The following ALPK3 variants were observed in gnomAD, a reference collection of about 807,000 sequenced individuals.
The protein encoded by ALPK3 is alpha-protein kinase 3.
In ALPK3, 102 loss-of-function variants were observed where a neutral mutation model predicts 140.0. That is an observed-to-expected ratio of 0.73 (90% CI 0.62 to 0.86). ALPK3 has a LOEUF of 0.86. Among genes scored for constraint, ALPK3 ranks in the 40% least tolerant of loss-of-function variants. ALPK3 has a pLI of 0.00. For synonymous variants in ALPK3, 938 were observed against 898.5 expected (o/e 1.04, Z -0.79); for missense variants, 2,254 against 2,208.2 (o/e 1.02, Z -0.42).
intron 1 of ALPK3, among the ~76,000 whole-genome samples, chr15:84,823,082 G>A (rs1327437471): frequency 6.6e-6 from 1 of 152,210 alleles, no homozygotes; most frequent in Admixed American, 6.5e-5. Flanking sequence ...GCCCCAAAGG[G>A]CCTCCTTCCT....
At position 84,859,311 on chromosome 15, in the gene ALPK3, T is replaced by G. The variant is rs759209537; in HGVS notation, c.3886T>G (p.Cys1296Gly). 6.2e-7 allele frequency: 1 copy of G among 1,614,104 alleles called. No individual in the cohort carries two copies. ...PDASGSLKLW[C>G]QFFNILSDSV... is the part of the protein sequence containing the mutation. ...TGCCTCCGGTAGCCTGAAGCTGTGG[T>G]GCCAGTTTTTCAACATTCTTAGTGA... The change falls in exon 7 of 14, where the codon TGC becomes GGC. Residue 1296 changes from cysteine to glycine, a missense_variant. Transcript: ENST00000258888.
chr15:84,839,916 C>G lies in ALPK3; in HGVS notation c.637C>G (p.Leu213Val). Residue 213 changes from leucine (L) to valine (V), a missense_variant, in exon 5 of 14, where the codon CTG (leucine) becomes GTG (valine). By Grantham distance (32) the Leu-to-Val change is conservative. This residue lies in a region of ALPK3 where 2,088 missense variants were observed against 2,022.9 expected (regional missense o/e 1.03). Coordinates refer to ENST00000258888, the MANE Select transcript of ALPK3 (RefSeq NM_020778.5). The part of the protein sequence containing the change: ...EKAVPGEVDT[L>V]RKLSPDRFQR... ...GGCGGTGCCTGGGGAGGTCGACACT[C>G]TGCGCAAGCTCAGCCCCGACCGCTT... 1 of 1,613,964 alleles carries G rather than the reference C, an allele frequency of 6.2e-7. No individual in the cohort carries two copies. The highest frequency in any genetic ancestry group is 2.2e-5 in the East Asian group (1 of 44,856).
chr15:84,840,852 C>A lies in ALPK3; in HGVS notation c.1573C>A (p.Pro525Thr), dbSNP rs371508772. 1.9e-6 allele frequency: 3 copies of A among 1,614,014 alleles called. No homozygotes were observed. Among genetic ancestry groups the A allele is most frequent in the Non-Finnish European group, 2.5e-6 (3 of 1,180,012 alleles). The change falls in exon 5 of 14, where the codon CCG becomes ACG. Residue 525 changes from proline to threonine, a missense_variant. Physicochemically the swap from Pro to Thr is conservative, Grantham distance 38 (BLOSUM62 -1). Around this residue, in one of 3 missense-constraint regions of ALPK3, gnomAD observed 2,088 missense variants for 2,022.9 expected, o/e 1.03. Transcript: ENST00000258888. ...KAPPQASVQV[P>T]TPPARRRHGT... ...CCCACCTCAGGCCTCTGTGCAGGTG[C>A]CGACGCCCCCTGCCCGGCGGAGACA...
intron 9 of ALPK3, 50 bp downstream of exon 9, chr15:84,860,122 C>T (rs371504629): frequency 5.6e-6 from 9 of 1,599,650 alleles, no homozygotes; most frequent in African/African-American, 2.7e-5. Flanking sequence ...CTGCCATCTG[C>T]AGGGAGGACC....
At chr15:84,829,590 A>G (rs1024556364) in intron 3 of ALPK3, among the ~76,000 whole-genome samples, 4 of 152,076 alleles carry the variant, frequency 2.6e-5, no homozygotes, top group Admixed American at 1.3e-4. Context: ...GCTCCTAAGC[A>G]TGTTCTGGGT....
chr15:84,853,088 A>G (rs962324110), intron 5 of ALPK3, among the ~76,000 whole-genome samples: 1 of 152,226 alleles, frequency 6.6e-6, no homozygotes, highest in African/African-American at 2.4e-5. Flanking sequence ...GCTTTAATCA[A>G]GAAGTTCTAG....
chr15:84,861,253 A>T (rs2141571698), intron 9 of ALPK3, among the ~76,000 whole-genome samples: 1 of 152,310 alleles, frequency 6.6e-6, no homozygotes, highest in South Asian at 2.1e-4. Context: ...AGTCACTGGT[A>T]TAGAATTTCT....
intron 5 of ALPK3, among the ~76,000 whole-genome samples, chr15:84,854,859 A>T (rs1379780536): frequency 1.3e-5 from 2 of 152,166 alleles, no homozygotes; most frequent in African/African-American, 4.8e-5. Flanking sequence ...TTCTACAGTT[A>T]TATGTTAATA....
chr15:84,850,914 A>ACACACC (rs1434291716), intron 5 of ALPK3, among the ~76,000 whole-genome samples: 5 of 149,242 alleles, frequency 3.4e-5, no homozygotes, highest in African/African-American at 1.0e-4. Context: ...ACACACACAC[A>ACACACC]CCCTCTGTCA....
intron 10 of ALPK3, 82 bp downstream of exon 10, chr15:84,862,997 C>T: frequency 3.3e-6 from 5 of 1,536,288 alleles, no homozygotes; most frequent in Non-Finnish European, 4.4e-6. Flanking sequence ...TTAGGATGCC[C>T]AGTATCGAGG....
chr15:84,848,082 A>G (rs1963754152), intron 5 of ALPK3, among the ~76,000 whole-genome samples: 1 of 151,894 alleles, frequency 6.6e-6, no homozygotes, highest in African/African-American at 2.4e-5. Context: ...AAATAAAAAG[A>G]AAAAGAATTG....
chr15:84,859,435 C>T (rs371902926), intron 7 of ALPK3, 45 bp downstream of exon 7: 4 of 1,608,358 alleles, frequency 2.5e-6, no homozygotes, highest in African/African-American at 2.7e-5. Context: ...TCCCTGATTG[C>T]AGTAATACCG....
chr15:84,851,265 GA>G (rs1963800180), intron 5 of ALPK3, among the ~76,000 whole-genome samples: 1 of 152,038 alleles, frequency 6.6e-6, no homozygotes, highest in African/African-American at 2.4e-5. Flanking sequence ...GTCTGGTACA[GA>G]AAAAAGTACA....
At chr15:84,847,205 CGGGGAGAGAGAGAGAG>C (rs1294854161) in intron 5 of ALPK3, among the ~76,000 whole-genome samples, 5 of 106,878 alleles carry the variant, frequency 4.7e-5, no homozygotes, top group Non-Finnish European at 7.4e-5. Context: ...GAGGGAGAAA[CGGGGAGAGAGAGAGAG>C]AGAGAGAGAG....
intron 5 of ALPK3, among the ~76,000 whole-genome samples, chr15:84,843,991 G>C (rs1342490975): frequency 6.6e-6 from 1 of 152,182 alleles, no homozygotes; most frequent in Non-Finnish European, 1.5e-5. Flanking sequence ...AGCACTTTGG[G>C]AAGCTAAGGT....
intron 5 of ALPK3, among the ~76,000 whole-genome samples, chr15:84,846,335 ACAAT>A (rs981324941): frequency 1.3e-5 from 2 of 152,248 alleles, no homozygotes; most frequent in African/African-American, 4.8e-5. Context: ...GCATGGAAAG[ACAAT>A]CAAAGAGTGC....
At chr15:84,852,398 A>G (rs1312918444) in intron 5 of ALPK3, 3 of 170,474 alleles carry the variant, frequency 1.8e-5, no homozygotes, top group African/African-American at 7.1e-5. Flanking sequence ...TGCTCAGAAC[A>G]GTGCAAAGTT....
intron 12 of ALPK3, among the ~76,000 whole-genome samples, 153 bp from the exon 13 acceptor site, chr15:84,867,164 G>A (rs1349596314): frequency 6.6e-6 from 1 of 151,590 alleles, no homozygotes; most frequent in Non-Finnish European, 1.5e-5. Context: ...TGACACCCAG[G>A]AAGTTGATGC....
chr15:84,855,278 A>C (rs1963847911), intron 5 of ALPK3, among the ~76,000 whole-genome samples: 1 of 152,034 alleles, frequency 6.6e-6, no homozygotes, highest in East Asian at 1.9e-4. Flanking sequence ...GCGTCTTGAG[A>C]CCTGCTGAAC....
Sources: gnomAD v4.1 joint callset for allele counts (sites outside exome capture counted in the v4.1 genomes callset) on GRCh38, gnomAD v4.1.1 for gene constraint, gnomAD v4.1.1 regional missense constraint, MANE v1.5 for transcripts, NCBI Gene and HGNC (gene_info 2026-07-23, HGNC 2026-07-21) for gene names.